CACNA2D1: variants seen among roughly 807,000 people sequenced by gnomAD.
CACNA2D1 encodes the protein calcium voltage-gated channel auxiliary subunit alpha2delta 1, also known as voltage-dependent calcium channel subunit alpha-2/delta-1.
A neutral mutation model predicts 171.5 loss-of-function variants in CACNA2D1; 53 were observed. That is an observed-to-expected ratio of 0.31 (90% CI 0.25 to 0.39). The LOEUF is 0.39. CACNA2D1 is among the 10% of genes least tolerant of loss of function. CACNA2D1 has a pLI of 1.00. For missense variants in CACNA2D1, 903 were observed against 1,299.8 expected (o/e 0.69, Z 4.69); for synonymous variants, 442 against 443.1 (o/e 1.00, Z 0.03).
chr7:82,443,642 A>T lies in CACNA2D1; in HGVS notation c.-183T>A. ...ACGGCAAGGGCGGGAGCGGACGCCG[A>T]GGAAGGGGCGGTGGCGGGCGGACCC... On this transcript the variant is annotated 5_prime_UTR_variant, in exon 1 of 39. Coordinates refer to ENST00000356860, the MANE Select transcript of CACNA2D1 (RefSeq NM_000722.4). 7.7e-7 allele frequency: 1 copy of T among 1,292,446 alleles called. No individual in the cohort carries two copies. The highest frequency in any genetic ancestry group is 9.7e-7 in the Non-Finnish European group (1 of 1,027,042). The allele number at this position is 1,292,446 out of a possible 1,614,324, so 80.1% of individuals were successfully genotyped here.
At chr7:82,153,664 T>C (rs1242879127) in intron 4 of CACNA2D1, among the ~76,000 whole-genome samples, 4 of 152,136 alleles carry the variant, frequency 2.6e-5, no homozygotes, top group African/African-American at 4.8e-5. Context: ...TATAGCTTCG[T>C]ATGACTACTT....
At chr7:82,000,151 C>T (rs1308808608) in intron 18 of CACNA2D1, among the ~76,000 whole-genome samples, 17 of 151,894 alleles carry the variant, frequency 1.1e-4, no homozygotes, top group African/African-American at 2.4e-4. Flanking sequence ...CCCAGCTACT[C>T]GGGAGGCTGA....
intron 1 of CACNA2D1, among the ~76,000 whole-genome samples, chr7:82,427,219 A>G (rs956106816): frequency 2.0e-5 from 3 of 152,168 alleles, no homozygotes; most frequent in Non-Finnish European, 4.4e-5. Flanking sequence ...AAAATGTTTA[A>G]AAGAGAGGAA....
chr7:82,111,444 A>ATATAT (rs1207440298), intron 6 of CACNA2D1, among the ~76,000 whole-genome samples: 67 of 69,956 alleles, frequency 9.6e-4, no homozygotes, highest in Non-Finnish European at 1.1e-3. Flanking sequence ...ATATATATAT[A>ATATAT]TTTTTTTTTT....
intron 5 of CACNA2D1, 101 bp from the exon 6 acceptor site, chr7:82,117,274 A>C (rs1789173637): frequency 2.7e-6 from 3 of 1,131,798 alleles, no homozygotes; most frequent in African/African-American, 1.5e-5. Context: ...TCAAAAAATA[A>C]ATCTACAACA....
chr7:82,345,016 G>A (rs1325659301), intron 2 of CACNA2D1, among the ~76,000 whole-genome samples: 2 of 151,760 alleles, frequency 1.3e-5, no homozygotes, highest in Admixed American at 6.6e-5. Context: ...TGTTGCCTGC[G>A]CGTCTTGCTG....
At chr7:82,349,049 T>C (rs1036166000) in intron 2 of CACNA2D1, among the ~76,000 whole-genome samples, 1 of 152,152 alleles carries the variant, frequency 6.6e-6, no homozygotes, top group Non-Finnish European at 1.5e-5. Context: ...AATCGTCTTT[T>C]ATAGAGTCTC....
intron 4 of CACNA2D1, among the ~76,000 whole-genome samples, chr7:82,139,002 G>GA (rs1487178208): frequency 2.6e-5 from 4 of 152,092 alleles, no homozygotes; most frequent in African/African-American, 9.7e-5. Flanking sequence ...GGAACACGTA[G>GA]AAAACAAGGT....
intron 1 of CACNA2D1, among the ~76,000 whole-genome samples, chr7:82,428,978 A>G (rs188553943): frequency 4.6e-5 from 7 of 152,308 alleles, no homozygotes; most frequent in Admixed American, 3.9e-4. Context: ...ATACAGAACC[A>G]CTGTGGGTTT....
chr7:82,385,806 A>C (rs1824293325), intron 1 of CACNA2D1, among the ~76,000 whole-genome samples: 1 of 152,062 alleles, frequency 6.6e-6, no homozygotes. Context: ...CTGGGATTAC[A>C]GGAACCTGCC....
intron 3 of CACNA2D1, among the ~76,000 whole-genome samples, chr7:82,223,500 G>A (rs545180197): frequency 9.1e-4 from 138 of 152,250 alleles, no homozygotes; most frequent in African/African-American, 3.1e-3. Context: ...GCTGTAGAAA[G>A]CAGGAAAGAC....
At chr7:82,256,157 T>A (rs995332524) in intron 3 of CACNA2D1, among the ~76,000 whole-genome samples, 1 of 151,972 alleles carries the variant, frequency 6.6e-6, no homozygotes, top group Non-Finnish European at 1.5e-5. Flanking sequence ...GGTGCCTATA[T>A]AATAGCCGGG....
rs114312200 is a variant in CACNA2D1, at chr7:82,264,267, C to T, written c.294+70868G>A. ...TTTATATATCTACAAAAGATTGTTC[C>T]CCTTGGTAATTATAGTCCTATTCAA... On this transcript the variant is annotated intron_variant, in intron 3 of 38. Transcript: ENST00000356860. Among the ~76,000 whole-genome samples, 1,253 of 152,128 alleles carry T rather than the reference C, an allele frequency of 8.2e-3. 26 individuals are homozygous for T. The highest frequency in any genetic ancestry group is 0.029 in the African/African-American group (1,186 of 41,504).
At chr7:82,180,056 T>C (rs114627608) in intron 3 of CACNA2D1, among the ~76,000 whole-genome samples, 2,194 of 152,226 alleles carry the variant, frequency 0.014, 46 homozygotes, top group African/African-American at 0.049. Context: ...TCAATCACCA[T>C]ATTGAGAGAA....
intron 1 of CACNA2D1, among the ~76,000 whole-genome samples, chr7:82,425,958 G>A (rs907347947): frequency 6.0e-5 from 9 of 150,716 alleles, no homozygotes; most frequent in African/African-American, 2.2e-4. Flanking sequence ...GCGAAACCCC[G>A]TCTCTTACTA....
intron 3 of CACNA2D1, among the ~76,000 whole-genome samples, chr7:82,238,797 C>G (rs1803908909): frequency 6.6e-6 from 1 of 152,110 alleles, no homozygotes; most frequent in Non-Finnish European, 1.5e-5. Flanking sequence ...GAAATGAAAA[C>G]TGTCATCACA....
intron 3 of CACNA2D1, among the ~76,000 whole-genome samples, chr7:82,233,667 T>C (rs1328608631): frequency 6.6e-6 from 1 of 152,120 alleles, no homozygotes; most frequent in Non-Finnish European, 1.5e-5. Flanking sequence ...GCGCATACTA[T>C]ACAGGACCTT....
At chr7:82,158,683 C>T (rs1220588959) in intron 4 of CACNA2D1, among the ~76,000 whole-genome samples, 8 of 151,738 alleles carry the variant, frequency 5.3e-5, no homozygotes, top group African/African-American at 1.7e-4. Context: ...CAATATTAGT[C>T]CTATTTTATT....
rs780901801 is a variant in CACNA2D1, at chr7:81,974,515, T to G, written c.1993A>C (p.Thr665Pro). 6.3e-7 allele frequency: 1 copy of G among 1,576,140 alleles called. No homozygotes were observed. Among genetic ancestry groups the G allele is most frequent in the South Asian group, 1.1e-5 (1 of 90,044 alleles). ...CNDLKISDNN[T>P]EFLLNFNEFI... ...TCGTTGAAATTTAAAAGAAATTCAG[T>G]GTTATTATCCGATATTTTCAGGTCA... Residue 665 changes from threonine to proline, a missense_variant, in exon 25 of 39, where the codon ACT becomes CCT. Thr to Pro is a conservative substitution (Grantham distance 38, BLOSUM62 -1). This residue lies in a region of CACNA2D1 where 623 missense variants were observed against 925.5 expected (regional missense o/e 0.67). Transcript: ENST00000356860.
Sources: gnomAD v4.1 joint callset for allele counts (sites outside exome capture counted in the v4.1 genomes callset) on GRCh38, gnomAD v4.1.1 for gene constraint, gnomAD v4.1.1 regional missense constraint, MANE v1.5 for transcripts, NCBI Gene and HGNC (gene_info 2026-07-23, HGNC 2026-07-21) for gene names.